Variants in CHN2 observed in about 807,000 individuals in gnomAD.
The protein encoded by CHN2 is beta-chimaerin.
A neutral mutation model predicts 56.3 loss-of-function variants in CHN2; 35 were observed. The ratio of observed to expected loss-of-function variants is 0.62; its 90% CI spans 0.47 to 0.82. The LOEUF (loss-of-function observed/expected upper bound fraction) is 0.82. Ranked by LOEUF, CHN2 falls within the 40% of genes least tolerant of loss-of-function variation. The probability of loss-of-function intolerance (pLI) is 0.00; values close to 1 mark genes in which losing one functional copy is unlikely to be tolerated. For synonymous variants in CHN2, 210 were observed against 212.8 expected (o/e 0.99, Z 0.12); for missense variants, 491 against 580.5 (o/e 0.85, Z 1.58).
intron 2 of CHN2, among the ~76,000 whole-genome samples, chr7:29,361,386 T>G (rs1798719650): frequency 6.6e-6 from 1 of 152,204 alleles, no homozygotes; most frequent in Non-Finnish European, 1.5e-5. Flanking sequence ...TCATTATCTT[T>G]ATAGCCAGCC....
intron 3 of CHN2, among the ~76,000 whole-genome samples, chr7:29,372,699 G>C (rs964160717): frequency 1.3e-5 from 2 of 152,220 alleles, no homozygotes; most frequent in African/African-American, 4.8e-5. Context: ...GCTGTTATTA[G>C]GATAGTGAGC....
chr7:29,429,495 A>G (rs1805198697), intron 6 of CHN2, among the ~76,000 whole-genome samples: 1 of 152,198 alleles, frequency 6.6e-6, no homozygotes, highest in African/African-American at 2.4e-5. Context: ...CTACTTTATA[A>G]GTTGAGAAAT....
intron 1 of CHN2, among the ~76,000 whole-genome samples, chr7:29,247,815 A>G (rs1788189758): frequency 6.6e-6 from 1 of 152,184 alleles, no homozygotes; most frequent in Non-Finnish European, 1.5e-5. Context: ...AAACACAACA[A>G]AGCAAAACAA....
At chr7:29,332,189 A>G (rs891082441) in intron 1 of CHN2, among the ~76,000 whole-genome samples, 7 of 152,144 alleles carry the variant, frequency 4.6e-5, no homozygotes, top group African/African-American at 1.7e-4. Context: ...TCCAAGCTCC[A>G]CCCAAGCTTG....
At chr7:29,217,036 A>C (rs1785395518) in intron 1 of CHN2, among the ~76,000 whole-genome samples, 1 of 152,224 alleles carries the variant, frequency 6.6e-6, no homozygotes, top group Non-Finnish European at 1.5e-5. Context: ...TAAATATCAT[A>C]GTCCTTTGAA....
At chr7:29,337,799 G>A (rs1245083201) in intron 1 of CHN2, among the ~76,000 whole-genome samples, 1 of 152,184 alleles carries the variant, frequency 6.6e-6, no homozygotes, top group Non-Finnish European at 1.5e-5. Flanking sequence ...TCACAGACAC[G>A]CTTCCTGTGC....
chr7:29,374,391 C>T (rs908790928), intron 3 of CHN2, among the ~76,000 whole-genome samples: 2 of 151,288 alleles, frequency 1.3e-5, no homozygotes, highest in South Asian at 2.1e-4. Flanking sequence ...ATGTTTTCTG[C>T]TTTTTTTTTA....
At chr7:29,292,162 C>T (rs933087313) in intron 1 of CHN2, among the ~76,000 whole-genome samples, 1 of 152,160 alleles carries the variant, frequency 6.6e-6, no homozygotes, top group Non-Finnish European at 1.5e-5. Flanking sequence ...GAGGATGGAG[C>T]GAGAGACGGG....
At chr7:29,348,006 C>T (rs12540427) in intron 1 of CHN2, among the ~76,000 whole-genome samples, 35,439 of 151,948 alleles carry the variant, frequency 0.23, 4,694 homozygotes, top group Non-Finnish European at 0.3. Flanking sequence ...CTTTTTTTTC[C>T]CCCTCAGGTT....
At chr7:29,233,315 G>A (rs1258144060) in intron 1 of CHN2, among the ~76,000 whole-genome samples, 2 of 152,194 alleles carry the variant, frequency 1.3e-5, no homozygotes, top group Non-Finnish European at 2.9e-5. Context: ...GCTCCACAGC[G>A]GCAGCTATTG....
chr7:29,315,920 G>C (rs556383363), intron 1 of CHN2, among the ~76,000 whole-genome samples: 8 of 152,264 alleles, frequency 5.3e-5, no homozygotes, highest in Non-Finnish European at 1.0e-4. Context: ...CATAAATTAG[G>C]AAATTTCTAA....
chr7:29,298,413 A>G (rs1793364755), intron 1 of CHN2, among the ~76,000 whole-genome samples: 2 of 151,860 alleles, frequency 1.3e-5, no homozygotes, highest in South Asian at 2.1e-4. Flanking sequence ...GGTTGCATGG[A>G]CTCCTTATAA....
At chr7:29,299,717 G>T (rs919437927) in intron 1 of CHN2, among the ~76,000 whole-genome samples, 1 of 152,126 alleles carries the variant, frequency 6.6e-6, no homozygotes, top group African/African-American at 2.4e-5. Context: ...ATTGCTTGTT[G>T]TCCCATAATT....
intron 6 of CHN2, among the ~76,000 whole-genome samples, chr7:29,416,421 T>G (rs1049579563): frequency 1.3e-5 from 2 of 152,218 alleles, no homozygotes; most frequent in African/African-American, 4.8e-5. Context: ...TTCTTCCAAC[T>G]CAGAGTATAC....
chr7:29,231,373 G>A (rs1786693501), intron 1 of CHN2, among the ~76,000 whole-genome samples: 1 of 152,192 alleles, frequency 6.6e-6, no homozygotes, highest in African/African-American at 2.4e-5. Flanking sequence ...GTGTTTCGGA[G>A]GAGGAGGATG....
At chr7:29,337,718 C>T (rs1796731061) in intron 1 of CHN2, among the ~76,000 whole-genome samples, 1 of 152,196 alleles carries the variant, frequency 6.6e-6, no homozygotes, top group African/African-American at 2.4e-5. Flanking sequence ...GTGGAGCTTT[C>T]AGTTAGCATC....
chr7:29,384,030 G>A lies in CHN2; in HGVS notation c.145-9649G>A, dbSNP rs1006691830. Among the ~76,000 whole-genome samples the A allele has an allele frequency of 4.6e-5, 7 of 152,216 alleles. No individual in the cohort carries two copies. The East Asian group carries it at 1.3e-3, about 29-fold the overall frequency. On this transcript the variant is annotated intron_variant, in intron 3 of 12. Coordinates refer to ENST00000222792, the MANE Select transcript of CHN2 (RefSeq NM_004067.4). Reference sequence around the variant, plus strand: ...GGCAGATTGCAAGTGGGGTTGGGAAGAGGGAGGAGTCAGAGATTATGATTT... The same window carrying A: ...GGCAGATTGCAAGTGGGGTTGGGAAAAGGGAGGAGTCAGAGATTATGATTT...
At chr7:29,428,344 T>C (rs1202738689) in intron 6 of CHN2, among the ~76,000 whole-genome samples, 1 of 152,224 alleles carries the variant, frequency 6.6e-6, no homozygotes, top group Non-Finnish European at 1.5e-5. Context: ...TCAAAGGTCA[T>C]TTCCCACTTG....
chr7:29,310,664 ATTTG>A (rs1403608295), intron 1 of CHN2, among the ~76,000 whole-genome samples: 2 of 152,198 alleles, frequency 1.3e-5, no homozygotes, highest in Admixed American at 1.3e-4. Flanking sequence ...AACAACAGAA[ATTTG>A]TTTCTTACAG....
Sources: gnomAD v4.1 joint callset for allele counts (sites outside exome capture counted in the v4.1 genomes callset) on GRCh38, gnomAD v4.1.1 for gene constraint, MANE v1.5 for transcripts, NCBI Gene and HGNC (gene_info 2026-07-23, HGNC 2026-07-21) for gene names.